TG: variants seen among roughly 807,000 people sequenced by gnomAD.
TG encodes the protein thyroglobulin, also known as thyroid hormones.
Under a neutral mutation model 324.7 loss-of-function variants are expected in TG, and 270 were observed. The ratio of observed to expected loss-of-function variants is 0.83; its 90% CI spans 0.75 to 0.92. TG has a LOEUF of 0.92. Among genes scored for constraint, TG ranks in the 40% least tolerant of loss-of-function variants. The pLI is 0.00. For synonymous variants in TG, 1,401 were observed against 1,327.0 expected, an observed-to-expected ratio of 1.06 and a Z score of -1.21; for missense variants, 3,591 against 3,456.4, an observed-to-expected ratio of 1.04 and a Z score of -0.98.
intron 41 of TG, among the ~76,000 whole-genome samples, chr8:133,086,474 G>A (rs1382861089): frequency 6.6e-6 from 1 of 152,008 alleles, no homozygotes; most frequent in Non-Finnish European, 1.5e-5. Context: ...GGATGTTCAT[G>A]TGGCACCTAT....
chr8:133,114,821 G>A (rs974098159), intron 44 of TG, among the ~76,000 whole-genome samples: 1 of 152,220 alleles, frequency 6.6e-6, no homozygotes, highest in Non-Finnish European at 1.5e-5. Context: ...GCTGGAAGGT[G>A]TTAGAGACCC....
At chr8:132,899,444 C>T (rs962249511) in intron 14 of TG, among the ~76,000 whole-genome samples, 1 of 152,198 alleles carries the variant, frequency 6.6e-6, no homozygotes, top group African/African-American at 2.4e-5. Flanking sequence ...GGCTTAGTGT[C>T]CTTTTTCTAA....
intron 16 of TG, among the ~76,000 whole-genome samples, chr8:132,906,455 A>G (rs1269050753): frequency 6.6e-6 from 1 of 152,166 alleles, no homozygotes; most frequent in Admixed American, 6.5e-5. Context: ...TACACGAGAC[A>G]TTCATGCTTA....
At chr8:132,911,193 A>G (rs553638830) in intron 18 of TG, among the ~76,000 whole-genome samples, 184 bp from the exon 19 acceptor site, 2 of 152,184 alleles carry the variant, frequency 1.3e-5, no homozygotes, top group Admixed American at 1.3e-4. Flanking sequence ...AGGTTATTTA[A>G]CTTCTCTGAA....
intron 36 of TG, among the ~76,000 whole-genome samples, chr8:133,012,680 C>T (rs1321574857): frequency 6.6e-6 from 1 of 152,218 alleles, no homozygotes; most frequent in Non-Finnish European, 1.5e-5. Flanking sequence ...TTCCATGAAT[C>T]TCCTTCTCTG....
At chr8:133,013,493 G>C in intron 36 of TG, 107 bp from the exon 37 acceptor site, 2 of 1,355,834 alleles carry the variant, frequency 1.5e-6, no homozygotes, top group Non-Finnish European at 2.1e-6. Context: ...AAGGATGGAT[G>C]GATGGAAGGG....
At chr8:133,133,025 G>A (rs868661934) in intron 46 of TG, among the ~76,000 whole-genome samples, 27 of 152,186 alleles carry the variant, frequency 1.8e-4, no homozygotes, top group African/African-American at 6.3e-4. Flanking sequence ...TTGGGAAGGA[G>A]CCTTTATCCC....
At chr8:133,062,347 T>C (rs1842484084) in intron 41 of TG, among the ~76,000 whole-genome samples, 1 of 152,204 alleles carries the variant, frequency 6.6e-6, no homozygotes, top group Non-Finnish European at 1.5e-5. Context: ...TGGCCTTGTC[T>C]CCATTCCTGA....
At chr8:133,078,453 C>G (rs1845236914) in intron 41 of TG, among the ~76,000 whole-genome samples, 1 of 152,240 alleles carries the variant, frequency 6.6e-6, no homozygotes, top group South Asian at 2.1e-4. Context: ...CCATTCCTCT[C>G]TCAACCATTT....
chr8:132,882,396 CTGTT>C (rs1814769928), intron 6 of TG, 69 bp from the exon 7 acceptor site: 3 of 1,547,222 alleles, frequency 1.9e-6, no homozygotes, highest in Admixed American at 1.7e-5. Flanking sequence ...CTCTCAGTAT[CTGTT>C]TGCACAACAA....
intron 43 of TG, among the ~76,000 whole-genome samples, chr8:133,104,414 G>T (rs1849613314): frequency 6.6e-6 from 1 of 152,194 alleles, no homozygotes; most frequent in Non-Finnish European, 1.5e-5. Context: ...ATCAGATTGG[G>T]CTCTATTGTG....
chr8:132,955,525 T>A (rs1016391601), intron 27 of TG, among the ~76,000 whole-genome samples: 10 of 152,238 alleles, frequency 6.6e-5, no homozygotes, highest in African/African-American at 1.2e-4. Flanking sequence ...AATCTCTTCC[T>A]GCCAGCATAG....
At chr8:132,973,120 G>A (rs1042983841) in intron 34 of TG, among the ~76,000 whole-genome samples, 1 of 152,200 alleles carries the variant, frequency 6.6e-6, no homozygotes, top group Non-Finnish European at 1.5e-5. Flanking sequence ...TAGTCAGCAC[G>A]CTGCCAGAGG....
At chr8:133,053,101 A>G (rs1840724473) in intron 41 of TG, among the ~76,000 whole-genome samples, 1 of 152,050 alleles carries the variant, frequency 6.6e-6, no homozygotes, top group South Asian at 2.1e-4. Flanking sequence ...CTCTGCCTGG[A>G]ACACACCCTG....
chr8:132,910,466 C>G (rs765773100), intron 18 of TG, among the ~76,000 whole-genome samples: 5 of 152,180 alleles, frequency 3.3e-5, no homozygotes, highest in Non-Finnish European at 7.3e-5. Context: ...TTGCCATCAT[C>G]TGAATGCTTG....
In TG at chr8:133,042,678, C is replaced by CTTTTTTTTTTTTTTTTTTT. The variant is rs58739514; in HGVS notation, c.7239+12668_7239+12686dup. 7.0e-5 allele frequency among the ~76,000 whole-genome samples: 4 copies of CTTTTTTTTTTTTTTTTTTT among 56,770 alleles called. 1 individual carries two copies. Among genetic ancestry groups the CTTTTTTTTTTTTTTTTTTT allele is most frequent in the African/African-American group, 6.9e-5 (1 of 14,490 alleles). The allele number at this position is 56,770 out of a possible 152,430, so 37.2% of individuals were successfully genotyped here. ...GTGCACAATTCCTCTCATTCTGTGTCTTTTTTTTTTTTTTTTTTTTTTTTT... is the reference window on the plus strand; with the variant it reads ...GTGCACAATTCCTCTCATTCTGTGTCTTTTTTTTTTTTTTTTTTTTTTTTTTTTTTTTTTTTTTTTTTTT... On this transcript the variant is annotated intron_variant, in intron 41 of 47. Coordinates refer to ENST00000220616, the MANE Select transcript of TG (RefSeq NM_003235.5).
At chr8:132,880,911 A>C (rs1354084988) in intron 5 of TG, among the ~76,000 whole-genome samples, 1 of 152,184 alleles carries the variant, frequency 6.6e-6, no homozygotes, top group Admixed American at 6.5e-5. Context: ...ACTATTGGAC[A>C]TTAAGGTTCT....
At position 133,131,800 on chromosome 8, in the gene TG, C is replaced by A; in HGVS notation, c.7863-12C>A. The A allele has an allele frequency of 6.2e-7, 1 of 1,614,146 alleles. No homozygotes were observed. The highest frequency in any genetic ancestry group is 1.1e-5 in the South Asian group (1 of 91,086). On this transcript the variant is annotated splice_polypyrimidine_tract_variant and intron_variant, in intron 45 of 47. Transcript: ENST00000220616. The stretch of plus-strand genomic sequence containing the variant: ...TTGACCTTTTGCTGCTGCTTTTCCT[C>A]TGTTTTCTCAGCCTGGAGCTGCTGG...
intron 39 of TG, among the ~76,000 whole-genome samples, chr8:133,020,458 G>A (rs775042282): frequency 5.3e-5 from 8 of 152,238 alleles, no homozygotes; most frequent in East Asian, 1.9e-4. Context: ...CAAGCCAAAC[G>A]GCCTTTTCCC....
Sources: gnomAD v4.1 joint callset for allele counts (sites outside exome capture counted in the v4.1 genomes callset) on GRCh38, gnomAD v4.1.1 for gene constraint, MANE v1.5 for transcripts, NCBI Gene and HGNC (gene_info 2026-07-23, HGNC 2026-07-21) for gene names.